ERBB4: variants seen among roughly 807,000 people sequenced by gnomAD.
ERBB4 encodes the protein receptor tyrosine-protein kinase erbB-4.
ERBB4 carries 42 observed loss-of-function variants against 158.0 expected under a neutral mutation model. The ratio of observed to expected loss-of-function variants is 0.27; its 90% confidence interval spans 0.21 to 0.34. ERBB4 has a LOEUF of 0.34. Among genes scored for constraint, ERBB4 ranks in the 10% least tolerant of loss-of-function variants. The probability of loss-of-function intolerance (pLI) is 1.00; values close to 1 mark genes in which losing one functional copy is unlikely to be tolerated. For synonymous variants in ERBB4, 583 were observed against 558.7 expected (o/e 1.04, Z -0.61); for missense variants, 1,333 against 1,624.1 (o/e 0.82, Z 3.08).
At chr2:211,387,228 A>T in intron 26 of ERBB4, 78 bp from the exon 27 acceptor site, 1 of 1,144,352 alleles carries the variant, frequency 8.7e-7, no homozygotes, top group Non-Finnish European at 1.3e-6. Context: ...AGCCACAAGG[A>T]TATCAAAGCC....
chr2:211,645,540 G>A (rs2070755397), intron 16 of ERBB4, among the ~76,000 whole-genome samples: 1 of 151,516 alleles, frequency 6.6e-6, no homozygotes, highest in Non-Finnish European at 1.5e-5. Context: ...AACAGACTTT[G>A]GAAAAGTTAA....
At position 211,721,645 on chromosome 2, in the gene ERBB4, A is replaced by G. The variant is rs961093435; in HGVS notation, c.883+748T>C. Among the ~76,000 whole-genome samples, 11 of 139,942 alleles carry G rather than the reference A, an allele frequency of 7.9e-5. No individual in the cohort carries two copies. In the East Asian group the frequency reaches 2.1e-3, roughly 27 times the overall value. 91.8% of individuals were successfully genotyped at this position (139,942 alleles called of 152,430 possible). ...CATATATATATATATATATATATAT[A>G]CATGTTTTGTTTAAGGTTAACTTGA... On this transcript the variant is annotated intron_variant, in intron 7 of 27. Coordinates refer to ENST00000342788, the MANE Select transcript of ERBB4 (RefSeq NM_005235.3).
intron 1 of ERBB4, among the ~76,000 whole-genome samples, chr2:212,447,371 C>T (rs1353299211): frequency 6.7e-6 from 1 of 150,076 alleles, no homozygotes. Flanking sequence ...CTTTGTCCTA[C>T]AAAAAGCTAT....
At chr2:212,446,995 C>CTT (rs771259936) in intron 1 of ERBB4, among the ~76,000 whole-genome samples, 6 of 136,608 alleles carry the variant, frequency 4.4e-5, no homozygotes, top group African/African-American at 1.1e-4. Flanking sequence ...CCAAATTTTT[C>CTT]TTTTTTTTTT....
At chr2:211,385,017 A>G (rs963443811) in intron 27 of ERBB4, among the ~76,000 whole-genome samples, 3 of 152,072 alleles carry the variant, frequency 2.0e-5, no homozygotes, top group Admixed American at 6.6e-5. Context: ...CTCTTTTACT[A>G]TATACACAAA....
intron 1 of ERBB4, among the ~76,000 whole-genome samples, chr2:212,271,518 A>C (rs1470093168): frequency 2.0e-5 from 3 of 151,750 alleles, no homozygotes; most frequent in African/African-American, 7.2e-5. Flanking sequence ...ATCTTTAATA[A>C]TTTTCTTACC....
At chr2:211,972,825 C>G (rs577756733) in intron 2 of ERBB4, among the ~76,000 whole-genome samples, 1 of 152,084 alleles carries the variant, frequency 6.6e-6, no homozygotes, top group Admixed American at 6.5e-5. Context: ...TAGGCAATAC[C>G]ATTTAGGACA....
At chr2:211,769,333 ATCT>A (rs1559501336) in intron 4 of ERBB4, among the ~76,000 whole-genome samples, 2 of 152,058 alleles carry the variant, frequency 1.3e-5, no homozygotes, top group Non-Finnish European at 2.9e-5. Flanking sequence ...ACATCTTCCT[ATCT>A]TCTTCTGAGC....
chr2:211,761,606 T>G (rs1243982581), intron 4 of ERBB4, among the ~76,000 whole-genome samples: 1 of 152,218 alleles, frequency 6.6e-6, no homozygotes, highest in African/African-American at 2.4e-5. Flanking sequence ...GCAATTACTT[T>G]GATTCTATTA....
At chr2:211,440,543 A>G (rs879786321) in intron 20 of ERBB4, among the ~76,000 whole-genome samples, 1 of 152,146 alleles carries the variant, frequency 6.6e-6, no homozygotes, top group African/African-American at 2.4e-5. Flanking sequence ...GATCATTCCT[A>G]ATATTTTGTG....
chr2:212,088,700 A>T (rs554856321), intron 2 of ERBB4, among the ~76,000 whole-genome samples: 2 of 152,268 alleles, frequency 1.3e-5, no homozygotes, highest in East Asian at 3.9e-4. Flanking sequence ...CAGGAACTTG[A>T]GAATCTAACA....
At chr2:211,663,849 TTC>T (rs2071520113) in intron 15 of ERBB4, among the ~76,000 whole-genome samples, 1 of 152,214 alleles carries the variant, frequency 6.6e-6, no homozygotes, top group African/African-American at 2.4e-5. Context: ...AGGCAAAGTT[TTC>T]TCTTTCTGTT....
At chr2:211,879,123 A>G (rs997562397) in intron 3 of ERBB4, among the ~76,000 whole-genome samples, 4 of 152,144 alleles carry the variant, frequency 2.6e-5, no homozygotes, top group African/African-American at 9.7e-5. Context: ...TCTTATCTAC[A>G]TTCTTTTCCC....
intron 1 of ERBB4, among the ~76,000 whole-genome samples, chr2:212,376,707 C>T (rs570560200): frequency 5.1e-4 from 78 of 152,146 alleles, no homozygotes; most frequent in African/African-American, 1.8e-3. Flanking sequence ...ACTGCATTGA[C>T]ATTCTTAAAT....
At chr2:211,461,779 T>A (rs1231212284) in intron 20 of ERBB4, among the ~76,000 whole-genome samples, 1 of 151,910 alleles carries the variant, frequency 6.6e-6, no homozygotes, top group African/African-American at 2.4e-5. Flanking sequence ...ACAAAAAGAT[T>A]AATTAAATGG....
intron 2 of ERBB4, among the ~76,000 whole-genome samples, chr2:212,024,029 C>CA (rs2076718740): frequency 6.6e-6 from 1 of 151,626 alleles, no homozygotes. Flanking sequence ...CTTTTGTCCC[C>CA]AAAATTCTAA....
In ERBB4 at chr2:211,526,760, G is replaced by C. The variant is rs186200022; in HGVS notation, c.2487+35143C>G. 9.1e-4 allele frequency among the ~76,000 whole-genome samples: 139 copies of C among 152,060 alleles called. 1 individual carries two copies. The highest frequency in any genetic ancestry group is 3.4e-3 in the Middle Eastern group (1 of 294). On this transcript the variant is annotated intron_variant, in intron 20 of 27. Transcript: ENST00000342788. ...ACAAAGAGAGTAAGTTAATTAAAGA[G>C]AATCAAGCAGAAATTCTGAAGTTGA...
At chr2:212,134,248 C>A (rs1000075962) in intron 1 of ERBB4, among the ~76,000 whole-genome samples, 1 of 151,858 alleles carries the variant, frequency 6.6e-6, no homozygotes, top group African/African-American at 2.4e-5. Context: ...ATTAAACCAT[C>A]CTTACATTCT....
At chr2:211,622,435 G>T (rs899411594) in intron 18 of ERBB4, among the ~76,000 whole-genome samples, 10 of 152,044 alleles carry the variant, frequency 6.6e-5, no homozygotes, top group African/African-American at 2.4e-4. Flanking sequence ...TAAAAGATTA[G>T]AAAACTTCTG....
Sources: allele counts gnomAD v4.1 joint callset (sites outside exome capture counted in the v4.1 genomes callset), GRCh38; gene constraint gnomAD v4.1.1; transcripts MANE v1.5; gene names NCBI Gene and HGNC (gene_info 2026-07-23, HGNC 2026-07-21).